The following CNTN1 variants were observed in gnomAD, a reference collection of about 807,000 sequenced individuals.
The protein encoded by CNTN1 is contactin 1.
A neutral mutation model predicts 126.4 loss-of-function variants in CNTN1; 38 were observed. That is an observed-to-expected ratio of 0.30 (90% CI 0.23 to 0.39). CNTN1 has a LOEUF of 0.39. Ranked by LOEUF, CNTN1 falls within the 10% of genes least tolerant of loss-of-function variation. CNTN1 has a pLI of 1.00. For missense variants in CNTN1, 1,009 were observed against 1,248.4 expected, an observed-to-expected ratio of 0.81 and a Z score of 2.89; for synonymous variants, 413 against 422.6, an observed-to-expected ratio of 0.98 and a Z score of 0.28.
chr12:40,762,676 G>T (rs1938911863), intron 1 of CNTN1, among the ~76,000 whole-genome samples: 1 of 152,168 alleles, frequency 6.6e-6, no homozygotes, highest in African/African-American at 2.4e-5. Flanking sequence ...CTTCACTCAT[G>T]CATAAGAGCT....
chr12:40,809,011 G>A (rs1391326537), intron 1 of CNTN1, among the ~76,000 whole-genome samples: 1 of 151,826 alleles, frequency 6.6e-6, no homozygotes, highest in African/African-American at 2.4e-5. Flanking sequence ...TGCATCTGAC[G>A]ATTTTTCACC....
intron 1 of CNTN1, among the ~76,000 whole-genome samples, chr12:40,707,049 C>CGCGCGCGT (rs1941768685): frequency 0.064 from 6 of 94 alleles, no homozygotes; most frequent in Non-Finnish European, 0.083. Context: ...CGCTTGCGCA[C>CGCGCGCGT]ACACACACAC....
intron 15 of CNTN1, among the ~76,000 whole-genome samples, chr12:40,975,208 A>G (rs1357000927): frequency 1.1e-5 from 1 of 89,094 alleles, no homozygotes; most frequent in Non-Finnish European, 2.3e-5. Context: ...ATATATATAT[A>G]TATATATATA....
chr12:41,006,598 T>C (rs1948499490), intron 17 of CNTN1, among the ~76,000 whole-genome samples: 1 of 152,252 alleles, frequency 6.6e-6, no homozygotes, highest in African/African-American at 2.4e-5. Context: ...TTTACATAGC[T>C]AATATCAGAA....
chr12:40,694,735 G>C (rs981678213), intron 1 of CNTN1, among the ~76,000 whole-genome samples: 2 of 152,162 alleles, frequency 1.3e-5, no homozygotes, highest in African/African-American at 2.4e-5. Context: ...TAGGCAGTGC[G>C]AGCTGGCTTT....
At chr12:40,933,210 T>G (rs1367568777) in intron 7 of CNTN1, among the ~76,000 whole-genome samples, 1 of 151,966 alleles carries the variant, frequency 6.6e-6, no homozygotes, top group Non-Finnish European at 1.5e-5. Flanking sequence ...GACAGGATTT[T>G]TTTTAGTAAA....
At chr12:40,997,691 C>T (rs781021240) in intron 17 of CNTN1, among the ~76,000 whole-genome samples, 1 of 152,058 alleles carries the variant, frequency 6.6e-6, no homozygotes, top group Non-Finnish European at 1.5e-5. Flanking sequence ...TTAGTGTATT[C>T]GGGACACATT....
At chr12:40,794,560 T>C (rs965869476) in intron 1 of CNTN1, among the ~76,000 whole-genome samples, 13 of 152,094 alleles carry the variant, frequency 8.5e-5, no homozygotes, top group African/African-American at 2.9e-4. Context: ...GCCAAAAATA[T>C]TAAATATCCT....
intron 1 of CNTN1, among the ~76,000 whole-genome samples, chr12:40,750,872 T>C (rs1228687104): frequency 6.6e-6 from 1 of 152,014 alleles, no homozygotes; most frequent in Non-Finnish European, 1.5e-5. Flanking sequence ...TAGAGATAGA[T>C]TTGGGTATTT....
intron 15 of CNTN1, among the ~76,000 whole-genome samples, chr12:40,968,498 C>T (rs530607004): frequency 2.0e-5 from 3 of 152,068 alleles, no homozygotes; most frequent in Non-Finnish European, 4.4e-5. Flanking sequence ...TTATAATGTG[C>T]TCTTTGGCCT....
intron 12 of CNTN1, among the ~76,000 whole-genome samples, chr12:40,940,502 C>A (rs536026874): frequency 6.6e-6 from 1 of 152,106 alleles, no homozygotes; most frequent in Admixed American, 6.6e-5. Flanking sequence ...ACATTATTTT[C>A]TTCACAGTAA....
At chr12:41,039,913 C>T (rs964252835) in intron 23 of CNTN1, among the ~76,000 whole-genome samples, 10 of 152,214 alleles carry the variant, frequency 6.6e-5, no homozygotes, top group Non-Finnish European at 1.0e-4. Flanking sequence ...TAGTAACAAA[C>T]TCTCAACTCA....
chr12:40,874,642 T>A (rs908629711), intron 1 of CNTN1, among the ~76,000 whole-genome samples: 18 of 152,294 alleles, frequency 1.2e-4, no homozygotes, highest in Admixed American at 1.2e-3. Flanking sequence ...TTATTTTCAC[T>A]GCTATGCACT....
chr12:41,006,212 T>G (rs1292404901), intron 17 of CNTN1, among the ~76,000 whole-genome samples: 4 of 152,222 alleles, frequency 2.6e-5, no homozygotes, highest in Non-Finnish European at 5.9e-5. Context: ...CTGGACTGCA[T>G]GCTATAACTC....
At chr12:40,752,081 G>GT (rs1199896959) in intron 1 of CNTN1, among the ~76,000 whole-genome samples, 1 of 151,826 alleles carries the variant, frequency 6.6e-6, no homozygotes, top group Non-Finnish European at 1.5e-5. Context: ...ATTTTATTAA[G>GT]TTTTTTTATG....
chr12:40,990,090 T>G (rs148661995), intron 16 of CNTN1, among the ~76,000 whole-genome samples: 1 of 152,292 alleles, frequency 6.6e-6, no homozygotes, highest in East Asian at 1.9e-4. Flanking sequence ...TTTTGCTAAA[T>G]TATTCCTACT....
chr12:40,835,284 G>A (rs963964944), intron 1 of CNTN1, among the ~76,000 whole-genome samples: 1 of 152,064 alleles, frequency 6.6e-6, no homozygotes, highest in Non-Finnish European at 1.5e-5. Flanking sequence ...GTGTAGTGCA[G>A]TTTTGCACTT....
At chr12:40,807,769 A>G (rs1052891975) in intron 1 of CNTN1, among the ~76,000 whole-genome samples, 1 of 152,150 alleles carries the variant, frequency 6.6e-6, no homozygotes, top group Non-Finnish European at 1.5e-5. Flanking sequence ...ATTTTTAGGT[A>G]ACTACCTTGT....
At chr12:40,888,818 A>T (rs546974074) in intron 1 of CNTN1, among the ~76,000 whole-genome samples, 1 of 152,226 alleles carries the variant, frequency 6.6e-6, no homozygotes, top group South Asian at 2.1e-4. Context: ...GGCTTTCCAC[A>T]AACAAAACAA....
Sources: allele counts gnomAD v4.1 joint callset (sites outside exome capture counted in the v4.1 genomes callset), GRCh38; gene constraint gnomAD v4.1.1; transcripts MANE v1.5; gene names NCBI Gene and HGNC (gene_info 2026-07-23, HGNC 2026-07-21).